SKAP1: variants seen among roughly 807,000 people sequenced by gnomAD.
The protein encoded by SKAP1 is src kinase-associated phosphoprotein 1.
In SKAP1, 44 loss-of-function variants were observed where a neutral mutation model predicts 58.5. That is an observed-to-expected ratio of 0.75 (90% CI 0.59 to 0.97). SKAP1 has a LOEUF of 0.97. Among genes scored for constraint, SKAP1 ranks in the 50% least tolerant of loss-of-function variants. The probability of loss-of-function intolerance (pLI) is 0.00; values close to 1 mark genes in which losing one functional copy is unlikely to be tolerated. For synonymous variants in SKAP1, 127 were observed against 149.7 expected (o/e 0.85, Z 1.11); for missense variants, 390 against 435.2 (o/e 0.90, Z 0.92).
At chr17:48,165,419 A>G (rs2064126618) in intron 10 of SKAP1, among the ~76,000 whole-genome samples, 1 of 120,900 alleles carries the variant, frequency 8.3e-6, no homozygotes, top group African/African-American at 3.2e-5. Context: ...TTTTTTTTTG[A>G]GGCGAAGTTT....
In SKAP1 at chr17:48,239,596, T is replaced by C. The variant is rs1262229170; in HGVS notation, c.281-50096A>G. Among the ~76,000 whole-genome samples, 3 of 152,196 alleles carry C rather than the reference T, an allele frequency of 2.0e-5. No homozygotes were observed. In the East Asian group the frequency reaches 5.8e-4, roughly 29 times the overall value. The stretch of plus-strand genomic sequence containing the variant: ...AGAGTGAAATAGAAAAAGCTTTCTT[T>C]TGCAGTTACTATATTATAATGCAGA... On this transcript the variant is annotated intron_variant, in intron 4 of 12. Transcript: ENST00000336915.
intron 4 of SKAP1, among the ~76,000 whole-genome samples, chr17:48,311,358 A>G (rs2066222328): frequency 6.6e-6 from 1 of 152,204 alleles, no homozygotes; most frequent in African/African-American, 2.4e-5. Flanking sequence ...CACATTGGGC[A>G]TCCCCAGTTC....
intron 4 of SKAP1, among the ~76,000 whole-genome samples, 154 bp downstream of exon 4, chr17:48,345,751 A>G (rs116928151): frequency 0.016 from 2,437 of 152,322 alleles, 36 homozygotes; most frequent in Non-Finnish European, 0.025. Context: ...CAGCACCACA[A>G]TGAAACAAAT....
chr17:48,308,024 C>T (rs533595396), intron 4 of SKAP1: 1 of 152,350 alleles, frequency 6.6e-6, no homozygotes, highest in East Asian at 1.9e-4. Flanking sequence ...CCAATCCCTT[C>T]TCTCAAGCCA....
At chr17:48,346,125 T>C (rs2066720368) in intron 3 of SKAP1, 119 bp from the exon 4 acceptor site, 1 of 533,798 alleles carries the variant, frequency 1.9e-6, no homozygotes, top group Non-Finnish European at 3.2e-6. Context: ...AAGTGTATCT[T>C]TTACTGGATG....
chr17:48,246,677 A>C (rs1035684857), intron 4 of SKAP1, among the ~76,000 whole-genome samples: 2 of 152,180 alleles, frequency 1.3e-5, no homozygotes, highest in Non-Finnish European at 2.9e-5. Context: ...ACCACATTTC[A>C]GGTCTCCTAA....
chr17:48,430,432 CCAAAACAAAAGACTTCA>C (rs1555626344), upstream of SKAP1, among the ~76,000 whole-genome samples: 1 of 152,130 alleles, frequency 6.6e-6, no homozygotes, highest in Non-Finnish European at 1.5e-5. Context: ...CCAGCACCCA[CCAAAACAAAAGACTTCA>C]CAAGGCTCAA....
Position 48,357,146 on chromosome 17 carries a change from A to T in SKAP1, c.178+6643T>A, listed in dbSNP as rs2066885468. Among the ~76,000 whole-genome samples the T allele has an allele frequency of 3.9e-5, 6 of 152,178 alleles. No homozygotes were observed. The South Asian group carries it at 1.2e-3, about 32-fold the overall frequency. On this transcript the variant is annotated intron_variant, in intron 3 of 12. Transcript: ENST00000336915. ...GCTATCATGAACATCCTTGTACATA[A>T]TACATTGTATAGGGAATACAGAAGG...
intron 4 of SKAP1, among the ~76,000 whole-genome samples, chr17:48,204,972 C>CTT (rs772134494): frequency 8.7e-5 from 3 of 34,568 alleles, no homozygotes; most frequent in African/African-American, 3.5e-4. Context: ...CTTTTCTTTT[C>CTT]TTTTCTTTCT....
intron 1 of SKAP1, among the ~76,000 whole-genome samples, chr17:48,412,738 A>G (rs114294623): frequency 2.1e-3 from 317 of 152,316 alleles, no homozygotes; most frequent in African/African-American, 7.2e-3. Context: ...AAAATAGCCT[A>G]TGTAATTATA....
At chr17:48,261,184 C>T (rs1470440259) in intron 4 of SKAP1, among the ~76,000 whole-genome samples, 1 of 152,156 alleles carries the variant, frequency 6.6e-6, no homozygotes, top group African/African-American at 2.4e-5. Context: ...ATGCCATGCT[C>T]TGCAAGGATG....
At chr17:48,349,964 G>A (rs1395899029) in intron 3 of SKAP1, among the ~76,000 whole-genome samples, 1 of 152,174 alleles carries the variant, frequency 6.6e-6, no homozygotes, top group Admixed American at 6.5e-5. Context: ...GATTCAACCA[G>A]CTGTTGCTGC....
intron 12 of SKAP1, among the ~76,000 whole-genome samples, chr17:48,135,650 T>TA (rs1475155032): frequency 3.3e-5 from 5 of 151,908 alleles, no homozygotes; most frequent in Admixed American, 6.6e-5. Context: ...GCTAATTTTT[T>TA]AAAAAAAATT....
At chr17:48,340,709 G>A (rs1464953968) in intron 4 of SKAP1, among the ~76,000 whole-genome samples, 4 of 151,914 alleles carry the variant, frequency 2.6e-5, no homozygotes, top group South Asian at 4.2e-4. Flanking sequence ...AAACTAGAAC[G>A]TAAACACAAA....
chr17:48,202,292 G>A lies in SKAP1; in HGVS notation c.281-12792C>T, dbSNP rs1297403341. On this transcript the variant is annotated intron_variant, in intron 4 of 12. Transcript: ENST00000336915. ...CGTGATTCTCTGGGGGTATTTCAGG[G>A]TGGGTGATCTAATGAGAACTCTTAC... 2.0e-5 allele frequency among the ~76,000 whole-genome samples: 3 copies of A among 152,158 alleles called. No individual in the cohort carries two copies. The East Asian group carries it at 5.8e-4, about 29-fold the overall frequency.
intron 4 of SKAP1, among the ~76,000 whole-genome samples, chr17:48,264,053 C>CT (rs35674731): frequency 0.029 from 4,220 of 144,652 alleles, 209 homozygotes; most frequent in African/African-American, 0.099. Context: ...GAGACATCAG[C>CT]TTTTTTTTTT....
chr17:48,370,261 G>A (rs1470993588), intron 2 of SKAP1, among the ~76,000 whole-genome samples: 1 of 152,100 alleles, frequency 6.6e-6, no homozygotes, highest in Non-Finnish European at 1.5e-5. Context: ...AATCATCAGA[G>A]AAATGCAAAT....
chr17:48,268,899 A>G (rs1199570512), intron 4 of SKAP1, among the ~76,000 whole-genome samples: 1 of 152,144 alleles, frequency 6.6e-6, no homozygotes, highest in African/African-American at 2.4e-5. Context: ...AAGGGGTGAA[A>G]ATAGCATTTT....
At chr17:48,426,326 T>C (rs1181190981) in intron 1 of SKAP1, among the ~76,000 whole-genome samples, 3 of 152,362 alleles carry the variant, frequency 2.0e-5, no homozygotes, top group Non-Finnish European at 4.4e-5. Flanking sequence ...CTTAAATCCA[T>C]ATTCTGGGCA....
Sources: allele counts gnomAD v4.1 joint callset (sites outside exome capture counted in the v4.1 genomes callset), GRCh38; gene constraint gnomAD v4.1.1; transcripts MANE v1.5; gene names NCBI Gene and HGNC (gene_info 2026-07-23, HGNC 2026-07-21).